Variants in CACNB3 observed in about 807,000 individuals in gnomAD.
The protein encoded by CACNB3 is voltage-dependent L-type calcium channel subunit beta-3.
A neutral mutation model predicts 63.7 loss-of-function variants in CACNB3; 36 were observed. The observed-to-expected ratio is 0.57, with a 90% confidence interval of 0.43 to 0.75. CACNB3 has a LOEUF of 0.75. CACNB3 is among the 30% of genes least tolerant of loss of function. CACNB3 has a pLI of 0.00. For missense variants in CACNB3, 493 were observed against 648.6 expected (o/e 0.76, Z 2.61); for synonymous variants, 241 against 250.6 (o/e 0.96, Z 0.36).
At chr12:48,818,435 C>G (rs962080370), upstream of CACNB3, 1 of 987,830 alleles carries the variant, frequency 1.0e-6, no homozygotes, top group African/African-American at 1.7e-5. This position sits in a 1 kb window ranked among gnomAD's most constrained non-coding sequence, Gnocchi z 4.3. Flanking sequence ...GTCTCTGTCT[C>G]CGCATCTCTC....
chr12:48,826,961 T>A lies in CACNB3; in HGVS notation c.991-13T>A. The A allele has an allele frequency of 3.1e-6, 5 of 1,613,496 alleles. No individual in the cohort carries two copies. The highest frequency in any genetic ancestry group is 4.2e-6 in the Non-Finnish European group (5 of 1,179,706). ...AGGGGAAACCAACGTTGCGCCTTCC[T>A]CCCCCTCCCCAGGAGTCATTTGATG... On this transcript the variant is annotated splice_polypyrimidine_tract_variant and intron_variant, in intron 11 of 12. Coordinates refer to ENST00000301050, the MANE Select transcript of CACNB3 (RefSeq NM_000725.4). This position sits in a 1 kb window ranked among gnomAD's most constrained non-coding sequence, Gnocchi z 4.8.
At position 48,827,987 on chromosome 12, in the gene CACNB3, G is replaced by T; in HGVS notation, c.*88G>T. On this transcript the variant is annotated 3_prime_UTR_variant, in exon 13 of 13. Transcript: ENST00000301050. ...CAGGGTGGCGTTAGACTGGCATCAG[G>T]CTGGCACTAGGCTCAGCCCCCAAAA... The T allele has an allele frequency of 8.8e-7, 1 of 1,139,658 alleles. No individual in the cohort carries two copies. The highest frequency in any genetic ancestry group is 1.3e-6 in the Non-Finnish European group (1 of 787,896). The allele number at this position is 1,139,658 out of a possible 1,614,324, so 70.6% of individuals were successfully genotyped here.
rs1937678548 is a variant in CACNB3 at position 48,818,855 on chromosome 12, G to T, written c.-75G>T. On this transcript the variant is annotated 5_prime_UTR_variant, in exon 1 of 13. Coordinates refer to ENST00000301050, the MANE Select transcript of CACNB3 (RefSeq NM_000725.4). The surrounding 1 kb of genome is among the most constrained non-coding windows in gnomAD (Gnocchi z 4.3). ...GGCTCGGTGGCATCTCCCGGGCGCG[G>T]CCCGCAGTCCTTGCCCCTGCCTCCG... 4 of 1,465,742 alleles carry T rather than the reference G, an allele frequency of 2.7e-6. No homozygotes were observed. The highest frequency in any genetic ancestry group is 5.7e-5 in the East Asian group (2 of 34,888). 90.8% of individuals were successfully genotyped at this position (1,465,742 alleles called of 1,614,324 possible).
chr12:48,824,080 A>C, intron 3 of CACNB3, 178 bp from the exon 4 acceptor site: 1 of 679,990 alleles, frequency 1.5e-6, no homozygotes, highest in Non-Finnish European at 2.5e-6. Context: ...CCTCACTCAG[A>C]AATCCTGGGT....
chr12:48,819,121 G>C (rs1937705763), intron 1 of CACNB3, 147 bp downstream of exon 1: 1 of 858,072 alleles, frequency 1.2e-6, no homozygotes, highest in Admixed American at 2.5e-5. Context: ...TGGGGAGATG[G>C]ATTTTCATGC....
Position 48,823,860 on chromosome 12 carries a change from A to C in CACNB3, c.291+57A>C, listed in dbSNP as rs1937981224. ...AACTTCATTTTCTTGCTCTTGCTCC[A>C]GATCCTAATGCTTCTGACTTGAATC... On this transcript the variant is annotated intron_variant, in intron 3 of 12. Transcript: ENST00000301050. This position sits in a 1 kb window ranked among gnomAD's most constrained non-coding sequence, Gnocchi z 4.2. The C allele has an allele frequency of 6.2e-7, 1 of 1,608,536 alleles. No homozygotes were observed. The highest frequency in any genetic ancestry group is 1.3e-5 in the African/African-American group (1 of 74,692).
chr12:48,827,537 A>T lies in CACNB3; in HGVS notation c.1141-48A>T, dbSNP rs1266190383. 2.7e-6 allele frequency: 4 copies of T among 1,499,314 alleles called. No homozygotes were observed. In the African/African-American group the frequency reaches 5.5e-5, roughly 21 times the overall value. 92.9% of individuals were successfully genotyped at this position (1,499,314 alleles called of 1,614,324 possible). ...AGAATCTCGCACCTCACCAGAAGAC[A>T]AGGTGAGGTCTGTACTGCCTCACTG... On this transcript the variant is annotated intron_variant, in intron 12 of 12. Transcript: ENST00000301050.
chr12:48,823,499 G>A lies in CACNB3; in HGVS notation c.168+33G>A. ...TTCTGGGCATGGGGCAAGACAGGAG[G>A]CCAAGCTAGGTGGAAACCTGCACTC... On this transcript the variant is annotated intron_variant, in intron 2 of 12. Transcript: ENST00000301050. This position sits in a 1 kb window ranked among gnomAD's most constrained non-coding sequence, Gnocchi z 4.2. 6.2e-7 allele frequency: 1 copy of A among 1,609,100 alleles called. No individual in the cohort carries two copies. Among genetic ancestry groups the A allele is most frequent in the Non-Finnish European group, 8.5e-7 (1 of 1,177,384 alleles).
Position 48,824,665 on chromosome 12 carries a change from TC to T in CACNB3, c.408-3del, listed in dbSNP as rs1347317870. 1 of 1,613,142 alleles carries T rather than the reference TC, an allele frequency of 6.2e-7. No homozygotes were observed. Among genetic ancestry groups the T allele is most frequent in the East Asian group, 2.2e-5 (1 of 44,826 alleles). ...CTCTCTCTTTCACCTCCCTTTCTTC[TC>T]AGGAGATCTGGGAACCCTTCCAGCC... is the stretch of plus-strand genomic sequence containing the variant. On this transcript the variant is annotated splice_polypyrimidine_tract_variant and splice_region_variant and intron_variant, in intron 4 of 12. Coordinates refer to ENST00000301050, the MANE Select transcript of CACNB3 (RefSeq NM_000725.4).
rs936547240 is a variant in CACNB3 at position 48,823,654 on chromosome 12, A to G, written c.169-27A>G. 1.2e-6 allele frequency: 2 copies of G among 1,613,858 alleles called. No individual in the cohort carries two copies. Among genetic ancestry groups the G allele is most frequent in the African/African-American group, 2.7e-5 (2 of 74,846 alleles). ...GAAGGGGTGCTTCGAGCCTTCTCTC[A>G]CTTGCACTAATGGGCAAATTCTCCA... On this transcript the variant is annotated intron_variant, in intron 2 of 12. Coordinates refer to ENST00000301050, the MANE Select transcript of CACNB3 (RefSeq NM_000725.4). The surrounding 1 kb of genome is among the most constrained non-coding windows in gnomAD (Gnocchi z 4.2).
rs1413949347 is a variant in CACNB3 at position 48,828,013 on chromosome 12, C to T, written c.*114C>T. On this transcript the variant is annotated 3_prime_UTR_variant, in exon 13 of 13. Coordinates refer to ENST00000301050, the MANE Select transcript of CACNB3 (RefSeq NM_000725.4). ...CTGGCACTAGGCTCAGCCCCCAAAA[C>T]CCCCTGCCCAGCCCCAGCTTCAGGG... 2 of 898,434 alleles carry T rather than the reference C, an allele frequency of 2.2e-6. No individual in the cohort carries two copies. Among genetic ancestry groups the T allele is most frequent in the Non-Finnish European group, 3.4e-6 (2 of 584,008 alleles). 55.7% of individuals were successfully genotyped at this position (898,434 alleles called of 1,614,324 possible).
At position 48,826,965 on chromosome 12, in the gene CACNB3, C is replaced by T. The variant is rs1257223204; in HGVS notation, c.991-9C>T. On this transcript the variant is annotated splice_polypyrimidine_tract_variant and intron_variant, in intron 11 of 12. Coordinates refer to ENST00000301050, the MANE Select transcript of CACNB3 (RefSeq NM_000725.4). The surrounding 1 kb of genome is among the most constrained non-coding windows in gnomAD (Gnocchi z 4.8). ...GAAACCAACGTTGCGCCTTCCTCCC[C>T]CTCCCCAGGAGTCATTTGATGTGAT... is the stretch of plus-strand genomic sequence containing the variant. 6 of 1,613,790 alleles carry T rather than the reference C, an allele frequency of 3.7e-6. No homozygotes were observed. Among genetic ancestry groups the T allele is most frequent in the East Asian group, 2.2e-5 (1 of 44,894 alleles).
intron 1 of CACNB3, among the ~76,000 whole-genome samples, chr12:48,821,837 C>T (rs1937865088): frequency 6.6e-6 from 1 of 152,190 alleles, no homozygotes; most frequent in Non-Finnish European, 1.5e-5. Flanking sequence ...CGGCGGACTA[C>T]TCTTCTGTAA....
At chr12:48,815,369 G>A (rs1268607696), upstream of CACNB3, 2 of 425,448 alleles carry the variant, frequency 4.7e-6, no homozygotes, top group Admixed American at 3.7e-5. Context: ...GGGATGGAAG[G>A]ACAGTGGGAG....
rs774926593 is a variant in CACNB3 at position 48,823,700 on chromosome 12, C to T, written c.188C>T (p.Ala63Val). 8.1e-6 allele frequency: 13 copies of T among 1,613,992 alleles called. No homozygotes were observed. In the East Asian group the frequency reaches 8.9e-5, roughly 11 times the overall value. ...ERAKHKPVAF[A>V]VRTNVSYCGV... ...CTCCAGCACAAACCTGTGGCATTTG[C>T]GGTGAGGACCAATGTCAGCTACTGT... The change falls in exon 3 of 13, where the codon GCG (alanine) becomes GTG (valine). Residue 63 changes from alanine (A) to valine (V), a missense_variant. Coordinates refer to ENST00000301050, the MANE Select transcript of CACNB3 (RefSeq NM_000725.4). This position sits in a 1 kb window ranked among gnomAD's most constrained non-coding sequence, Gnocchi z 4.2.
In CACNB3 at chr12:48,823,945, C is replaced by T. The variant is rs1937986083; in HGVS notation, c.291+142C>T. 18 of 1,057,986 alleles carry T rather than the reference C, an allele frequency of 1.7e-5. No individual in the cohort carries two copies. Among genetic ancestry groups the T allele is most frequent in the Non-Finnish European group, 2.3e-5 (17 of 733,192 alleles). 65.5% of individuals were successfully genotyped at this position (1,057,986 alleles called of 1,614,324 possible). Reference sequence around the variant, plus strand: ...CCTTAACACACACCTGTCCACCCCTCATATCTAAGATCTCATCCCCAGGGT... The same window carrying T: ...CCTTAACACACACCTGTCCACCCCTTATATCTAAGATCTCATCCCCAGGGT... On this transcript the variant is annotated intron_variant, in intron 3 of 12. Coordinates refer to ENST00000301050, the MANE Select transcript of CACNB3 (RefSeq NM_000725.4). This position sits in a 1 kb window ranked among gnomAD's most constrained non-coding sequence, Gnocchi z 4.2.
At position 48,823,851 on chromosome 12, in the gene CACNB3, T is replaced by G. The variant is rs1937980777; in HGVS notation, c.291+48T>G. 9 of 1,611,730 alleles carry G rather than the reference T, an allele frequency of 5.6e-6. No homozygotes were observed. The highest frequency in any genetic ancestry group is 6.8e-6 in the Non-Finnish European group (8 of 1,178,852). On this transcript the variant is annotated intron_variant, in intron 3 of 12. Coordinates refer to ENST00000301050, the MANE Select transcript of CACNB3 (RefSeq NM_000725.4). This position sits in a 1 kb window ranked among gnomAD's most constrained non-coding sequence, Gnocchi z 4.2. ...GAAGCCTCTAACTTCATTTTCTTGCTCTTGCTCCAGATCCTAATGCTTCTG... is the reference window on the plus strand; with the variant it reads ...GAAGCCTCTAACTTCATTTTCTTGCGCTTGCTCCAGATCCTAATGCTTCTG...
chr12:48,825,055 A>C lies in CACNB3; in HGVS notation c.492+87A>C. 1 of 1,587,980 alleles carries C rather than the reference A, an allele frequency of 6.3e-7. No homozygotes were observed. The highest frequency in any genetic ancestry group is 1.1e-5 in the South Asian group (1 of 90,544). On this transcript the variant is annotated intron_variant, in intron 6 of 12. Coordinates refer to ENST00000301050, the MANE Select transcript of CACNB3 (RefSeq NM_000725.4). This position sits in a 1 kb window ranked among gnomAD's most constrained non-coding sequence, Gnocchi z 4.5. ...CTAGGCAGTCATTGTTGGAGGGCAGAACAGAGAGGGGAGGGAGCCCAGAAC... is the reference window on the plus strand; with the variant it reads ...CTAGGCAGTCATTGTTGGAGGGCAGCACAGAGAGGGGAGGGAGCCCAGAAC...
rs1283998880 is a variant in CACNB3 at position 48,824,385 on chromosome 12, G to A, written c.407+12G>A. The A allele has an allele frequency of 1.9e-6, 3 of 1,592,980 alleles. No individual in the cohort carries two copies. The highest frequency in any genetic ancestry group is 2.6e-6 in the Non-Finnish European group (3 of 1,169,774). ...GAGCAGAAGGCCAGGTGAGAGTTGGGCCATGAGTCAGTAAACACACCCCAA... is the reference window on the plus strand; with the variant it reads ...GAGCAGAAGGCCAGGTGAGAGTTGGACCATGAGTCAGTAAACACACCCCAA... On this transcript the variant is annotated intron_variant, in intron 4 of 12. Coordinates refer to ENST00000301050, the MANE Select transcript of CACNB3 (RefSeq NM_000725.4).
Sources: gnomAD v4.1 joint callset for allele counts (sites outside exome capture counted in the v4.1 genomes callset) on GRCh38, gnomAD v4.1.1 for gene constraint, Gnocchi (gnomAD v3.1) non-coding constraint, MANE v1.5 for transcripts, NCBI Gene and HGNC (gene_info 2026-07-23, HGNC 2026-07-21) for gene names.